COL19A1: variants seen among roughly 807,000 people sequenced by gnomAD.
COL19A1 encodes the protein collagen alpha-1(XIX) chain.
In COL19A1, 159 loss-of-function variants were observed where a neutral mutation model predicts 190.2. That is an observed-to-expected ratio of 0.84 (90% confidence interval 0.73 to 0.95). The LOEUF (loss-of-function observed/expected upper bound fraction) is 0.95. COL19A1 is among the 40% of genes least tolerant of loss of function. The pLI is 0.00. For missense variants in COL19A1, 1,418 were observed against 1,431.9 expected (o/e 0.99, Z 0.16); for synonymous variants, 509 against 458.9 (o/e 1.11, Z -1.39).
intron 11 of COL19A1, among the ~76,000 whole-genome samples, chr6:69,992,280 A>G (rs1664383101): frequency 1.3e-5 from 2 of 152,038 alleles, no homozygotes; most frequent in South Asian, 2.1e-4. Context: ...TACCAGTGCC[A>G]TACTGAACTT....
chr6:70,204,968 C>T (rs1224745117), intron 49 of COL19A1, among the ~76,000 whole-genome samples: 4 of 151,964 alleles, frequency 2.6e-5, no homozygotes, highest in African/African-American at 7.3e-5. Context: ...TGTTCACATA[C>T]GTTAAATGAA....
chr6:70,075,516 A>G (rs923327536), intron 15 of COL19A1, among the ~76,000 whole-genome samples: 1 of 152,234 alleles, frequency 6.6e-6, no homozygotes, highest in Non-Finnish European at 1.5e-5. Context: ...CTTTTGCCTC[A>G]TATTCTCTTA....
chr6:69,970,966 T>C (rs1441088213), intron 11 of COL19A1, among the ~76,000 whole-genome samples: 1 of 152,182 alleles, frequency 6.6e-6, no homozygotes, highest in African/African-American at 2.4e-5. Flanking sequence ...GAAAGAGTGA[T>C]GGTAATCCCA....
In COL19A1 at chr6:69,928,077, T is replaced by C. The variant is rs376717005; in HGVS notation, c.390+45T>C. ...GTGCTCATTAGTTTTCCTTGTGTAA[T>C]TAAGCCAGGTGAATTATTTGAACTG... On this transcript the variant is annotated intron_variant, in intron 5 of 50. Transcript: ENST00000620364. 1.1e-5 allele frequency: 17 copies of C among 1,592,050 alleles called. No homozygotes were observed. The African/African-American group carries it at 2.3e-4, about 21-fold the overall frequency.
In COL19A1 at chr6:69,929,631, A is replaced by G; in HGVS notation, c.597A>G (p.Glu199=). ...TAATTGCGAGGAGGCAGACTGATGAAAAGGACACTGTGGATTTCCATGGAC... is the reference window on the plus strand; with the variant it reads ...TAATTGCGAGGAGGCAGACTGATGAGAAGGACACTGTGGATTTCCATGGAC... ...CNLIARRQTD[E]KDTVDFHGRT... Residue 199 remains glutamate, a synonymous_variant, in exon 6 of 51, where the codon GAA becomes GAG. Transcript: ENST00000620364. 6.2e-7 allele frequency: 1 copy of G among 1,614,074 alleles called. No individual in the cohort carries two copies. The highest frequency in any genetic ancestry group is 8.5e-7 in the Non-Finnish European group (1 of 1,179,974).
At chr6:69,926,183 C>T (rs1010783199) in intron 4 of COL19A1, among the ~76,000 whole-genome samples, 3 of 152,134 alleles carry the variant, frequency 2.0e-5, no homozygotes, top group African/African-American at 7.2e-5. Flanking sequence ...AAGGGAATGC[C>T]TCCAGTTTTT....
At chr6:70,170,921 T>G (rs188218889) in intron 40 of COL19A1, among the ~76,000 whole-genome samples, 1 of 152,194 alleles carries the variant, frequency 6.6e-6, no homozygotes. Flanking sequence ...AAAGCTCTTG[T>G]TTCTTTGTGA....
At chr6:69,884,653 G>A (rs1226101193) in intron 2 of COL19A1, among the ~76,000 whole-genome samples, 2 of 152,236 alleles carry the variant, frequency 1.3e-5, no homozygotes, top group East Asian at 1.9e-4. Context: ...GGACACTTGT[G>A]TTTTCTTTCC....
rs1433083271 is a variant in COL19A1, at chr6:70,008,797, C to T, written c.1027-14830C>T. On this transcript the variant is annotated intron_variant, in intron 11 of 50. Coordinates refer to ENST00000620364, the MANE Select transcript of COL19A1 (RefSeq NM_001858.6). ...ACACACACATATACATAAAAAACCA[C>T]TTAACAAATATTAGCAAACTGAATC... 2.0e-5 allele frequency among the ~76,000 whole-genome samples: 3 copies of T among 151,944 alleles called. No homozygotes were observed. The East Asian group carries it at 5.8e-4, about 29-fold the overall frequency.
intron 41 of COL19A1, among the ~76,000 whole-genome samples, chr6:70,175,644 G>A (rs752055267): frequency 2.0e-5 from 3 of 151,890 alleles, no homozygotes; most frequent in Admixed American, 6.6e-5. Context: ...TTTATTATAT[G>A]TTTAAATGTT....
At chr6:70,088,891 A>G (rs1782743644) in intron 15 of COL19A1, among the ~76,000 whole-genome samples, 1 of 152,180 alleles carries the variant, frequency 6.6e-6, no homozygotes, top group Admixed American at 6.6e-5. Flanking sequence ...ATTTCTCATT[A>G]AAGTAGTAAA....
intron 14 of COL19A1, among the ~76,000 whole-genome samples, chr6:70,048,928 G>A (rs757788138): frequency 2.0e-5 from 3 of 151,820 alleles, no homozygotes; most frequent in Non-Finnish European, 4.4e-5. Context: ...TTTTCTGATG[G>A]CATTTAGAAA....
At chr6:70,031,549 A>G (rs1779076145) in intron 12 of COL19A1, among the ~76,000 whole-genome samples, 1 of 152,156 alleles carries the variant, frequency 6.6e-6, no homozygotes, top group African/African-American at 2.4e-5. Flanking sequence ...CATGTAAGAA[A>G]GAACATGGAA....
At chr6:70,010,619 G>T (rs1230491729) in intron 11 of COL19A1, among the ~76,000 whole-genome samples, 2 of 139,910 alleles carry the variant, frequency 1.4e-5, no homozygotes, top group Non-Finnish European at 3.0e-5. Flanking sequence ...GGAAAATAGG[G>T]TCACTCCCAC....
At position 69,940,535 on chromosome 6, in the gene COL19A1, C is replaced by G. The variant is rs182174556; in HGVS notation, c.936+2435C>G. Among the ~76,000 whole-genome samples, 9 of 152,172 alleles carry G rather than the reference C, an allele frequency of 5.9e-5. No homozygotes were observed. In the East Asian group the frequency reaches 1.7e-3, roughly 29 times the overall value. On this transcript the variant is annotated intron_variant, in intron 9 of 50. Coordinates refer to ENST00000620364, the MANE Select transcript of COL19A1 (RefSeq NM_001858.6). ...TTGTATGTCAAATCTATAAAATATA[C>G]AAAAATGTATCTTAGAGTAACAATG...
chr6:70,048,803 G>T (rs1780038202), intron 14 of COL19A1, among the ~76,000 whole-genome samples: 2 of 152,056 alleles, frequency 1.3e-5, no homozygotes, highest in East Asian at 1.9e-4. Context: ...TTACCACAAA[G>T]ATTTTTAAAT....
intron 7 of COL19A1, among the ~76,000 whole-genome samples, chr6:69,936,029 T>A (rs1002671538): frequency 6.6e-6 from 1 of 152,156 alleles, no homozygotes; most frequent in African/African-American, 2.4e-5. Context: ...GTGCTTTCTC[T>A]TCGTGAAATT....
At chr6:69,923,494 T>C (rs555005847) in intron 4 of COL19A1, among the ~76,000 whole-genome samples, 9 of 152,314 alleles carry the variant, frequency 5.9e-5, no homozygotes, top group Admixed American at 4.6e-4. Flanking sequence ...TGATCAGAGC[T>C]TGTAAGAATA....
chr6:69,981,968 A>G (rs569414396), intron 11 of COL19A1, among the ~76,000 whole-genome samples: 1 of 152,212 alleles, frequency 6.6e-6, no homozygotes, highest in Non-Finnish European at 1.5e-5. Flanking sequence ...GCAGCAAAGT[A>G]GCTGCTACAA....
Sources: gnomAD v4.1 joint callset for allele counts (sites outside exome capture counted in the v4.1 genomes callset) on GRCh38, gnomAD v4.1.1 for gene constraint, MANE v1.5 for transcripts, NCBI Gene and HGNC (gene_info 2026-07-23, HGNC 2026-07-21) for gene names.